PRR5L: variants seen among roughly 807,000 people sequenced by gnomAD.
PRR5L encodes the protein proline-rich protein 5-like.
In PRR5L, 21 loss-of-function variants were observed where a neutral mutation model predicts 36.4. The observed-to-expected ratio is 0.58, with a 90% CI of 0.41 to 0.83. The LOEUF (loss-of-function observed/expected upper bound fraction) is 0.83. Ranked by LOEUF, PRR5L falls within the 40% of genes least tolerant of loss-of-function variation. The pLI, the probability that PRR5L is intolerant of heterozygous loss-of-function variation, is 0.00. For synonymous variants in PRR5L, 188 were observed against 197.0 expected (o/e 0.95, Z 0.38); for missense variants, 381 against 473.3 (o/e 0.80, Z 1.81).
intron 4 of PRR5L, among the ~76,000 whole-genome samples, chr11:36,425,071 C>G (rs1382352737): frequency 6.6e-6 from 1 of 152,208 alleles, no homozygotes; most frequent in Non-Finnish European, 1.5e-5. Context: ...ATCCACCCGC[C>G]TCGGCCTCCC....
chr11:36,323,968 G>A (rs1352710717), intron 1 of PRR5L, among the ~76,000 whole-genome samples: 1 of 152,154 alleles, frequency 6.6e-6, no homozygotes, highest in Non-Finnish European at 1.5e-5. Context: ...CTCTTACATT[G>A]TTAGTAGGAA....
At chr11:36,296,808 G>A (rs1013644686) in intron 1 of PRR5L, among the ~76,000 whole-genome samples, 12 of 152,208 alleles carry the variant, frequency 7.9e-5, no homozygotes, top group African/African-American at 2.9e-4. Context: ...TGAATGAATA[G>A]TAATGATAGC....
At chr11:36,380,562 AG>A (rs1182714375) in intron 1 of PRR5L, 1 of 152,084 alleles carries the variant, frequency 6.6e-6, no homozygotes, top group African/African-American at 2.4e-5. Flanking sequence ...CATGTACGGG[AG>A]AGAGAAAGAG....
intron 1 of PRR5L, among the ~76,000 whole-genome samples, chr11:36,370,589 G>A (rs1417675219): frequency 6.6e-6 from 1 of 152,112 alleles, no homozygotes; most frequent in Admixed American, 6.6e-5. Flanking sequence ...ATCCTTGAAA[G>A]TTATCCAAGA....
At chr11:36,461,947 A>G (rs1315718985) in intron 8 of PRR5L, among the ~76,000 whole-genome samples, 1 of 152,074 alleles carries the variant, frequency 6.6e-6, no homozygotes, top group Non-Finnish European at 1.5e-5. Flanking sequence ...GGGAGAGGCC[A>G]CTCCTGCAGG....
intron 4 of PRR5L, among the ~76,000 whole-genome samples, chr11:36,427,109 G>A (rs1858398571): frequency 6.6e-6 from 1 of 152,154 alleles, no homozygotes; most frequent in South Asian, 2.1e-4. Flanking sequence ...GGTTTTAGAC[G>A]CCTTTCCCCA....
chr11:36,447,535 C>G (rs2133619638), intron 7 of PRR5L, among the ~76,000 whole-genome samples: 1 of 152,342 alleles, frequency 6.6e-6, no homozygotes, highest in Non-Finnish European at 1.5e-5. Context: ...TGCCTCTTCA[C>G]CTCTGTAACA....
intron 8 of PRR5L, among the ~76,000 whole-genome samples, chr11:36,461,789 CAGG>C (rs1859187655): frequency 6.6e-6 from 1 of 152,122 alleles, no homozygotes; most frequent in Non-Finnish European, 1.5e-5. Flanking sequence ...CTTCACCTGG[CAGG>C]AGATGAGGGC....
chr11:36,351,776 TTTATATA>T (rs1282883882), intron 1 of PRR5L, among the ~76,000 whole-genome samples: 6 of 27,614 alleles, frequency 2.2e-4, no homozygotes, highest in African/African-American at 9.8e-4. Context: ...TTTATATATA[TTTATATA>T]TTTTTTTTAT....
At chr11:36,361,692 AAT>A (rs1857090243) in intron 1 of PRR5L, among the ~76,000 whole-genome samples, 1 of 152,210 alleles carries the variant, frequency 6.6e-6, no homozygotes, top group South Asian at 2.1e-4. Flanking sequence ...TACTGAAAAA[AAT>A]GAGGTAAAGA....
At chr11:36,434,727 T>G (rs1018875303) in intron 5 of PRR5L, among the ~76,000 whole-genome samples, 3 of 152,178 alleles carry the variant, frequency 2.0e-5, no homozygotes, top group Admixed American at 6.5e-5. Flanking sequence ...AGTCCTTGAC[T>G]TATGGGCTGT....
chr11:36,383,567 A>G (rs1857406712), intron 1 of PRR5L, among the ~76,000 whole-genome samples: 2 of 152,194 alleles, frequency 1.3e-5, no homozygotes, highest in Non-Finnish European at 2.9e-5. Context: ...AAGGAGTCTG[A>G]GGACACTCTT....
chr11:36,309,146 AG>A (rs2133453489), intron 1 of PRR5L, among the ~76,000 whole-genome samples: 1 of 152,350 alleles, frequency 6.6e-6, no homozygotes, highest in East Asian at 1.9e-4. Flanking sequence ...ACAAGTGTTA[AG>A]TATGGCTCAG....
chr11:36,389,614 ATTTTTTT>A (rs368918273), intron 1 of PRR5L, among the ~76,000 whole-genome samples: 1 of 135,002 alleles, frequency 7.4e-6, no homozygotes, highest in African/African-American at 2.8e-5. Flanking sequence ...AGCCCCATGT[ATTTTTTT>A]TTTTTTTTTT....
chr11:36,451,323 A>G lies in PRR5L; in HGVS notation c.700A>G (p.Thr234Ala). 1 of 1,614,172 alleles carries G rather than the reference A, an allele frequency of 6.2e-7. No homozygotes were observed. Among genetic ancestry groups the G allele is most frequent in the Non-Finnish European group, 8.5e-7 (1 of 1,180,018 alleles). Residue 234 changes from threonine (T) to alanine (A), a missense_variant, in exon 8 of 9, where the codon ACG becomes GCG. Thr to Ala is a moderately conservative substitution (Grantham distance 58). Transcript: ENST00000530639. The part of the protein sequence containing the change: ...ISGDRSFSGP[T>A]YTLARRHSRV... ...CGGGGACCGTAGCTTCTCAGGCCCC[A>G]CGTACACGCTGGGTAAGGAGTGCAG...
At chr11:36,432,698 A>T (rs964241934) in intron 5 of PRR5L, among the ~76,000 whole-genome samples, 7 of 152,190 alleles carry the variant, frequency 4.6e-5, no homozygotes, top group Admixed American at 1.3e-4. Flanking sequence ...CATACCTGGC[A>T]CACAGGCGAA....
At chr11:36,311,155 A>G (rs1329428363) in intron 1 of PRR5L, among the ~76,000 whole-genome samples, 1 of 152,172 alleles carries the variant, frequency 6.6e-6, no homozygotes, top group African/African-American at 2.4e-5. Context: ...AGGGAAGGAA[A>G]GGATGTCAAG....
chr11:36,416,771 G>A (rs114324671), intron 3 of PRR5L, among the ~76,000 whole-genome samples: 1,634 of 152,254 alleles, frequency 0.011, 32 homozygotes, highest in African/African-American at 0.038. Context: ...ATGTAAGGCT[G>A]CTGTGCTTCC....
intron 1 of PRR5L, among the ~76,000 whole-genome samples, chr11:36,392,872 T>C (rs936355982): frequency 6.6e-6 from 1 of 152,180 alleles, no homozygotes; most frequent in Non-Finnish European, 1.5e-5. Flanking sequence ...TCCTGACACA[T>C]GGGGATTATA....
Sources: gnomAD v4.1 joint callset for allele counts (sites outside exome capture counted in the v4.1 genomes callset) on GRCh38, gnomAD v4.1.1 for gene constraint, MANE v1.5 for transcripts, NCBI Gene and HGNC (gene_info 2026-07-23, HGNC 2026-07-21) for gene names.